The following ZNF385D variants were observed in gnomAD, a reference collection of about 807,000 sequenced individuals.
ZNF385D encodes the protein zinc finger protein 385D.
Under a neutral mutation model 35.8 loss-of-function variants are expected in ZNF385D, and 15 were observed. The observed-to-expected ratio is 0.42, with a 90% CI of 0.28 to 0.64. ZNF385D has a LOEUF of 0.64. ZNF385D is among the 30% of genes least tolerant of loss of function. The pLI, the probability that ZNF385D is intolerant of heterozygous loss-of-function variation, is 0.23. For missense variants in ZNF385D, 474 were observed against 494.6 expected, an observed-to-expected ratio of 0.96 and a Z score of 0.39; for synonymous variants, 212 against 186.8, an observed-to-expected ratio of 1.13 and a Z score of -1.10.
chr3:21,944,727 T>A (rs1001169498), intron 3 of ZNF385D, among the ~76,000 whole-genome samples: 1 of 148,860 alleles, frequency 6.7e-6, no homozygotes, highest in African/African-American at 2.5e-5. Flanking sequence ...ATTAGTGTTA[T>A]GGGATGAGAG....
chr3:22,077,656 T>C (rs1443932094), intron 3 of ZNF385D, among the ~76,000 whole-genome samples: 2 of 151,996 alleles, frequency 1.3e-5, no homozygotes, highest in African/African-American at 4.8e-5. Flanking sequence ...TTTGCTATTG[T>C]TTTGGTTCAC....
chr3:21,622,423 G>A (rs1332860754), intron 2 of ZNF385D, among the ~76,000 whole-genome samples: 2 of 152,230 alleles, frequency 1.3e-5, no homozygotes, highest in East Asian at 1.9e-4. Flanking sequence ...GCTTTGAGAA[G>A]TCAAGTGATG....
At chr3:22,066,320 A>ATGTGTG (rs10627613) in intron 3 of ZNF385D, among the ~76,000 whole-genome samples, 17 of 149,242 alleles carry the variant, frequency 1.1e-4, no homozygotes, top group African/African-American at 3.4e-4. Context: ...GTGTGTGTGT[A>ATGTGTG]TGTGTGTGTA....
intron 3 of ZNF385D, among the ~76,000 whole-genome samples, chr3:22,017,216 A>T (rs1576160066): frequency 6.6e-6 from 1 of 152,160 alleles, no homozygotes; most frequent in South Asian, 2.1e-4. Flanking sequence ...TTTGCTTTAG[A>T]TATTTTTAGG....
In ZNF385D at chr3:21,874,798, T is replaced by C. The variant is rs552535628; in HGVS notation, c.326-209770A>G. On this transcript the variant is annotated intron_variant, in intron 3 of 5. Coordinates refer to the ZNF385D transcript ENST00000494108. ...AATGTTATTGAGATTTTAATTGAGA[T>C]TGCACTGGATCTGCTTTGGGAAGTG... Among the ~76,000 whole-genome samples the C allele has an allele frequency of 1.1e-4, 17 of 152,198 alleles. No individual in the cohort carries two copies. The South Asian group carries it at 3.5e-3, about 32-fold the overall frequency.
chr3:22,044,161 T>C (rs557655437), intron 3 of ZNF385D, among the ~76,000 whole-genome samples: 1 of 151,658 alleles, frequency 6.6e-6, no homozygotes, highest in Non-Finnish European at 1.5e-5. Context: ...CAGAACAGCC[T>C]GCATGGATAG....
chr3:22,151,473 G>C (rs975864680), intron 3 of ZNF385D, among the ~76,000 whole-genome samples: 1 of 152,124 alleles, frequency 6.6e-6, no homozygotes, highest in African/African-American at 2.4e-5. Flanking sequence ...GATGGATTAT[G>C]TGTACATTGA....
chr3:21,716,380 C>T (rs1398505744), intron 1 of ZNF385D, among the ~76,000 whole-genome samples: 1 of 152,122 alleles, frequency 6.6e-6, no homozygotes, highest in Non-Finnish European at 1.5e-5. Flanking sequence ...CTATAATCTC[C>T]CTAGATGATC....
At chr3:21,768,582 G>C (rs954845012) in intron 3 of ZNF385D, among the ~76,000 whole-genome samples, 2 of 151,884 alleles carry the variant, frequency 1.3e-5, no homozygotes, top group Non-Finnish European at 2.9e-5. Context: ...CCCTATGACA[G>C]GCAGCTGTGC....
intron 3 of ZNF385D, among the ~76,000 whole-genome samples, chr3:21,791,459 C>A (rs2071923050): frequency 6.6e-6 from 1 of 152,136 alleles, no homozygotes; most frequent in South Asian, 2.1e-4. Context: ...ATAATTTGCC[C>A]CTTAAAATCA....
chr3:22,183,705 T>C (rs1695438414), intron 2 of ZNF385D, among the ~76,000 whole-genome samples: 1 of 149,424 alleles, frequency 6.7e-6, no homozygotes, highest in Non-Finnish European at 1.5e-5. Context: ...TATATTTTCA[T>C]TTAAAAATGG....
At chr3:21,636,325 T>C (rs181971185) in intron 2 of ZNF385D, among the ~76,000 whole-genome samples, 1 of 144,258 alleles carries the variant, frequency 6.9e-6, no homozygotes, top group East Asian at 2.0e-4. Context: ...TATAGATATA[T>C]AGATATACAT....
intron 3 of ZNF385D, among the ~76,000 whole-genome samples, chr3:21,770,485 A>G (rs1365654833): frequency 6.6e-6 from 1 of 152,218 alleles, no homozygotes; most frequent in Non-Finnish European, 1.5e-5. Flanking sequence ...GACACATGAA[A>G]AAATGCTCAC....
intron 3 of ZNF385D, among the ~76,000 whole-genome samples, chr3:21,762,293 C>T (rs1248463443): frequency 1.3e-5 from 2 of 152,092 alleles, no homozygotes; most frequent in African/African-American, 2.4e-5. Flanking sequence ...CTTCTCTTTG[C>T]TTCATAATCA....
upstream of ZNF385D, among the ~76,000 whole-genome samples, chr3:21,753,772 TGTTG>T: frequency 9.2e-6 from 1 of 108,940 alleles, no homozygotes; most frequent in African/African-American, 3.5e-5. Flanking sequence ...TGGTGGTTGT[TGTTG>T]TTGTTGTTGT....
chr3:21,996,731 C>A (rs768568298), intron 3 of ZNF385D, among the ~76,000 whole-genome samples: 1 of 152,030 alleles, frequency 6.6e-6, no homozygotes, highest in Non-Finnish European at 1.5e-5. Flanking sequence ...ATTTTCTTTG[C>A]CAAGAATAGG....
chr3:22,217,581 T>C lies in ZNF385D; in HGVS notation c.107-48546A>G, dbSNP rs142353467. ...ACACATGAGCTTTTATGGGATATAATTGAATCTGTAACAGAGGTAAATTAC... is the reference window on the plus strand; with the variant it reads ...ACACATGAGCTTTTATGGGATATAACTGAATCTGTAACAGAGGTAAATTAC... On this transcript the variant is annotated intron_variant, in intron 2 of 5. Transcript: ENST00000494108. Among the ~76,000 whole-genome samples, 171 of 152,296 alleles carry C rather than the reference T, an allele frequency of 1.1e-3. 1 individual carries two copies. Among genetic ancestry groups the C allele is most frequent in the African/African-American group, 3.7e-3 (155 of 41,592 alleles).
intron 4 of ZNF385D, among the ~76,000 whole-genome samples, chr3:21,474,035 ATATAT>A (rs1328968381): frequency 2.6e-5 from 4 of 151,378 alleles, no homozygotes; most frequent in African/African-American, 4.9e-5. Flanking sequence ...TATGTATCTT[ATATAT>A]TATAAGTTCA....
chr3:22,177,586 T>A lies in ZNF385D; in HGVS notation c.107-8551A>T, dbSNP rs78830453. 1.1e-3 allele frequency among the ~76,000 whole-genome samples: 164 copies of A among 152,318 alleles called. 1 individual carries two copies. The East Asian group carries it at 0.027, about 25-fold the overall frequency. ...ATGTAGGCTAGACTGACTATGACTT[T>A]TTTTTATTATTATACTTTTAAGTTT... On this transcript the variant is annotated intron_variant, in intron 2 of 5. Transcript: ENST00000494108.
Sources: gnomAD v4.1 joint callset for allele counts (sites outside exome capture counted in the v4.1 genomes callset) on GRCh38, gnomAD v4.1.1 for gene constraint, MANE v1.5 for transcripts, NCBI Gene and HGNC (gene_info 2026-07-23, HGNC 2026-07-21) for gene names.